FUT9: variants seen among roughly 807,000 people sequenced by gnomAD.
The protein encoded by FUT9 is 4-galactosyl-N-acetylglucosaminide 3-alpha-L-fucosyltransferase 9.
Under a neutral mutation model 29.7 loss-of-function variants are expected in FUT9, and 15 were observed. The observed-to-expected ratio is 0.51, with a 90% CI of 0.34 to 0.78. The LOEUF (loss-of-function observed/expected upper bound fraction) is 0.78. Ranked by LOEUF, FUT9 falls within the 30% of genes least tolerant of loss-of-function variation. The probability of loss-of-function intolerance (pLI) is 0.01; values close to 1 mark genes in which losing one functional copy is unlikely to be tolerated. For synonymous variants in FUT9, 169 were observed against 153.7 expected, an observed-to-expected ratio of 1.10 and a Z score of -0.74; for missense variants, 319 against 425.4, an observed-to-expected ratio of 0.75 and a Z score of 2.20.
Position 96,213,256 on chromosome 6 carries a change from C to A in FUT9, c.*9021C>A, listed in dbSNP as rs1037962928. 1.8e-5 allele frequency: 3 copies of A among 166,856 alleles called. No individual in the cohort carries two copies. Among genetic ancestry groups the A allele is most frequent in the African/African-American group, 7.2e-5 (3 of 41,444 alleles). The allele number at this position is 166,856 out of a possible 1,614,324, so 10.3% of individuals were successfully genotyped here. On this transcript the variant is annotated 3_prime_UTR_variant, in exon 3 of 3. Coordinates refer to ENST00000302103, the MANE Select transcript of FUT9 (RefSeq NM_006581.4). Reference sequence around the variant, plus strand: ...GAAGAGTTAGGACTTTACATGATTTCTCTTGCCTCATTCCCTCAAGAATGC... The same window carrying A: ...GAAGAGTTAGGACTTTACATGATTTATCTTGCCTCATTCCCTCAAGAATGC...
chr6:96,039,232 C>T (rs1383599884), intron 1 of FUT9, among the ~76,000 whole-genome samples: 1 of 152,096 alleles, frequency 6.6e-6, no homozygotes, highest in African/African-American at 2.4e-5. Context: ...CACCCACACA[C>T]ACACGTATAT....
intron 2 of FUT9, among the ~76,000 whole-genome samples, chr6:96,189,429 T>C (rs1445248896): frequency 1.3e-5 from 2 of 152,126 alleles, no homozygotes; most frequent in East Asian, 1.9e-4. Flanking sequence ...AATGGTAATA[T>C]GTGATCTGTG....
chr6:96,097,607 C>T (rs941624530), intron 1 of FUT9, among the ~76,000 whole-genome samples: 1 of 76,792 alleles, frequency 1.3e-5, no homozygotes, highest in African/African-American at 3.2e-5. Context: ...TGATCGATAA[C>T]TTTCAATGAA....
chr6:96,203,065 A>C (rs1395773457), intron 2 of FUT9, 83 bp from the exon 3 acceptor site: 13 of 1,035,968 alleles, frequency 1.3e-5, no homozygotes, highest in Non-Finnish European at 1.8e-5. Flanking sequence ...CATATTTATG[A>C]TTTTAAATAT....
chr6:96,178,073 C>T (rs1184407438), intron 2 of FUT9, among the ~76,000 whole-genome samples: 1 of 152,132 alleles, frequency 6.6e-6, no homozygotes, highest in Non-Finnish European at 1.5e-5. Context: ...TGCCATTCTC[C>T]TCAGCTCCCA....
intron 1 of FUT9, among the ~76,000 whole-genome samples, chr6:96,042,765 C>T (rs1044674159): frequency 6.6e-6 from 1 of 152,104 alleles, no homozygotes; most frequent in Admixed American, 6.5e-5. Flanking sequence ...GATGTATTAA[C>T]CCATTGAATT....
chr6:96,132,329 A>G (rs546086797), intron 2 of FUT9, among the ~76,000 whole-genome samples: 58 of 105,272 alleles, frequency 5.5e-4, no homozygotes, highest in African/African-American at 2.0e-3. Context: ...TTCCATTTCT[A>G]AAAGGCTTTA....
chr6:96,061,458 T>G (rs1209766019), intron 1 of FUT9, among the ~76,000 whole-genome samples: 1 of 151,698 alleles, frequency 6.6e-6, no homozygotes, highest in Non-Finnish European at 1.5e-5. Flanking sequence ...TTTGTATCAG[T>G]TTTCATTTCA....
Position 96,114,075 on chromosome 6 carries a change from G to A in FUT9, c.-61G>A, listed in dbSNP as rs1771866589. On this transcript the variant is annotated 5_prime_UTR_variant, in exon 2 of 3. It adds an upstream start codon to the 5' untranslated region. Coordinates refer to ENST00000302103, the MANE Select transcript of FUT9 (RefSeq NM_006581.4). ...AATAACTCAAGGATTTGATAATACA[G>A]TGAAGTAGTATAACAACTGTCTACG... 3 of 152,196 alleles carry A rather than the reference G, an allele frequency of 2.0e-5. No individual in the cohort carries two copies. In the South Asian group the frequency reaches 6.2e-4, roughly 32 times the overall value. The allele number at this position is 152,196 out of a possible 1,614,324, so 9.4% of individuals were successfully genotyped here.
At chr6:96,050,797 T>G (rs1770653081) in intron 1 of FUT9, among the ~76,000 whole-genome samples, 1 of 152,224 alleles carries the variant, frequency 6.6e-6, no homozygotes. Context: ...TGCAGGGATA[T>G]GTAGCTGTCA....
In FUT9 at chr6:96,210,754, T is replaced by C. The variant is rs1465585239; in HGVS notation, c.*6519T>C. ...GAGACCACATTCTTGGGTTCCAAAGTCTCCTTGTCTGATAGGTAATTTGCA... is the reference window on the plus strand; with the variant it reads ...GAGACCACATTCTTGGGTTCCAAAGCCTCCTTGTCTGATAGGTAATTTGCA... On this transcript the variant is annotated 3_prime_UTR_variant, in exon 3 of 3. Transcript: ENST00000302103. 2 of 166,890 alleles carry C rather than the reference T, an allele frequency of 1.2e-5. No individual in the cohort carries two copies. The highest frequency in any genetic ancestry group is 4.8e-5 in the African/African-American group (2 of 41,432). The allele number at this position is 166,890 out of a possible 1,614,324, so 10.3% of individuals were successfully genotyped here.
intron 2 of FUT9, among the ~76,000 whole-genome samples, chr6:96,129,763 T>A (rs549649428): frequency 2.0e-5 from 3 of 152,062 alleles, no homozygotes; most frequent in African/African-American, 7.2e-5. Context: ...TATTTACATT[T>A]TAATAATAAA....
At chr6:96,169,887 C>A (rs953619926) in intron 2 of FUT9, among the ~76,000 whole-genome samples, 8 of 151,990 alleles carry the variant, frequency 5.3e-5, no homozygotes, top group Admixed American at 5.2e-4. Flanking sequence ...ATTTTGCCAA[C>A]CAAAGAAATT....
At position 96,205,477 on chromosome 6, in the gene FUT9, T is replaced by C. The variant is rs890426843; in HGVS notation, c.*1242T>C. 9 of 167,048 alleles carry C rather than the reference T, an allele frequency of 5.4e-5. No homozygotes were observed. The highest frequency in any genetic ancestry group is 2.2e-4 in the African/African-American group (9 of 41,464). 10.3% of individuals were successfully genotyped at this position (167,048 alleles called of 1,614,324 possible). On this transcript the variant is annotated 3_prime_UTR_variant, in exon 3 of 3. Transcript: ENST00000302103. The stretch of plus-strand genomic sequence containing the variant: ...TATATCCCATTTTGGTAATTATTCA[T>C]ACATAGCACATATGACCATGATGTT...
chr6:96,042,565 C>A (rs1267882376), intron 1 of FUT9, among the ~76,000 whole-genome samples: 1 of 152,086 alleles, frequency 6.6e-6, no homozygotes, highest in Non-Finnish European at 1.5e-5. Context: ...CCCCTGTATA[C>A]TCCAGCATGC....
At chr6:96,101,964 AAT>A (rs1214116041) in intron 1 of FUT9, among the ~76,000 whole-genome samples, 2 of 152,096 alleles carry the variant, frequency 1.3e-5, no homozygotes, top group African/African-American at 4.8e-5. Flanking sequence ...AGATATATTT[AAT>A]AGTTACTTAT....
intron 2 of FUT9, among the ~76,000 whole-genome samples, chr6:96,194,555 G>A (rs1001644453): frequency 6.6e-6 from 1 of 152,096 alleles, no homozygotes; most frequent in African/African-American, 2.4e-5. Context: ...GGCAGGAGTC[G>A]ATGCTAGGTT....
intron 1 of FUT9, among the ~76,000 whole-genome samples, chr6:96,039,951 T>TG (rs1770428842): frequency 6.6e-6 from 1 of 151,828 alleles, no homozygotes; most frequent in Admixed American, 6.6e-5. Context: ...TTCAAACTAT[T>TG]TTTTTTTCTG....
rs4240606 is a variant in FUT9 at position 96,210,386 on chromosome 6, C to A, written c.*6151C>A. On this transcript the variant is annotated 3_prime_UTR_variant, in exon 3 of 3. Transcript: ENST00000302103. Reference sequence around the variant, plus strand: ...GTTGCGAGTTGCTTATAGTAGTTCGCGAACCTGAATGCACATTAGAACCAT... The same window carrying A: ...GTTGCGAGTTGCTTATAGTAGTTCGAGAACCTGAATGCACATTAGAACCAT... 0.92 allele frequency: 153,291 copies of A among 166,590 alleles called. 71,930 individuals are homozygous for A. Among genetic ancestry groups the A allele is most frequent in the Non-Finnish European group, 1 (67,853 of 67,982 alleles). 10.3% of individuals were successfully genotyped at this position (166,590 alleles called of 1,614,324 possible).
Sources: allele counts gnomAD v4.1 joint callset (sites outside exome capture counted in the v4.1 genomes callset), GRCh38; gene constraint gnomAD v4.1.1; transcripts MANE v1.5; gene names NCBI Gene and HGNC (gene_info 2026-07-23, HGNC 2026-07-21).